RASAL2: variants seen among roughly 807,000 people sequenced by gnomAD.
The protein encoded by RASAL2 is ras GTPase-activating protein nGAP.
Under a neutral mutation model 128.9 loss-of-function variants are expected in RASAL2, and 58 were observed. The ratio of observed to expected loss-of-function variants is 0.45; its 90% confidence interval spans 0.36 to 0.56. The LOEUF (loss-of-function observed/expected upper bound fraction) is 0.56, where lower values mean the gene tolerates loss of function less well. Ranked by LOEUF, RASAL2 falls within the 20% of genes least tolerant of loss-of-function variation. The pLI is 0.00. For missense variants in RASAL2, 1,360 were observed against 1,601.6 expected, an observed-to-expected ratio of 0.85 and a Z score of 2.57; for synonymous variants, 561 against 580.8, an observed-to-expected ratio of 0.97 and a Z score of 0.49.
intron 1 of RASAL2, among the ~76,000 whole-genome samples, chr1:178,216,255 C>A (rs1179521924): frequency 2.0e-5 from 3 of 152,126 alleles, no homozygotes; most frequent in Non-Finnish European, 4.4e-5. Context: ...ATATGAAAAT[C>A]CACTGTTTGT....
intron 17 of RASAL2, chr1:178,470,557 A>G (rs1045894361): frequency 1.3e-5 from 7 of 542,034 alleles, no homozygotes; most frequent in Non-Finnish European, 1.9e-5. Context: ...ACCCCTGAGC[A>G]TGAGGAGACA....
At chr1:178,125,612 A>G (rs1659866532) in intron 1 of RASAL2, 1 of 152,176 alleles carries the variant, frequency 6.6e-6, no homozygotes, top group South Asian at 2.1e-4. Context: ...CTGATAATCG[A>G]TGTGATATTT....
chr1:178,436,776 C>T (rs1034042630), intron 5 of RASAL2, among the ~76,000 whole-genome samples: 21 of 151,954 alleles, frequency 1.4e-4, no homozygotes, highest in Admixed American at 5.2e-4. Flanking sequence ...TGGAGTTTTA[C>T]CATGTTGCCC....
chr1:178,426,920 TA>T (rs1354481098), intron 5 of RASAL2, among the ~76,000 whole-genome samples: 2 of 152,144 alleles, frequency 1.3e-5, no homozygotes, highest in Non-Finnish European at 2.9e-5. Flanking sequence ...GAATTTCAGG[TA>T]ACTTAGTTTG....
Position 178,171,720 on chromosome 1 carries a change from G to C in RASAL2, c.202+77026G>C, listed in dbSNP as rs563364880. ...GCCTAAGGGATGAGGTTGGAGGAGA[G>C]AGATTTAAGACTAAAGTGTTAGGAG... On this transcript the variant is annotated intron_variant, in intron 1 of 17. Coordinates refer to ENST00000367649, the MANE Select transcript of RASAL2 (RefSeq NM_170692.4). Among the ~76,000 whole-genome samples the C allele has an allele frequency of 2.0e-5, 3 of 151,982 alleles. No homozygotes were observed. The South Asian group carries it at 6.2e-4, about 32-fold the overall frequency.
chr1:178,381,190 C>A (rs1364755547), intron 3 of RASAL2, among the ~76,000 whole-genome samples: 1 of 152,088 alleles, frequency 6.6e-6, no homozygotes, highest in Non-Finnish European at 1.5e-5. Flanking sequence ...CTAAAGATCT[C>A]TAGGAAGGAA....
chr1:178,397,701 C>G (rs12082511), intron 4 of RASAL2, among the ~76,000 whole-genome samples: 7,199 of 151,908 alleles, frequency 0.047, 571 homozygotes, highest in African/African-American at 0.16. Context: ...CCTCAACAAC[C>G]CAGGCTCAAA....
chr1:178,214,683 C>G (rs1306217220), intron 1 of RASAL2, among the ~76,000 whole-genome samples: 1 of 152,014 alleles, frequency 6.6e-6, no homozygotes, highest in Non-Finnish European at 1.5e-5. Flanking sequence ...CTCAGCCTCC[C>G]AAGTAGCTGG....
intron 1 of RASAL2, among the ~76,000 whole-genome samples, chr1:178,259,694 T>C (rs1665566489): frequency 6.6e-6 from 1 of 152,188 alleles, no homozygotes; most frequent in African/African-American, 2.4e-5. Flanking sequence ...CCCCAGTAGC[T>C]GGGACTACAG....
chr1:178,299,218 A>G (rs1367965503), intron 2 of RASAL2, among the ~76,000 whole-genome samples: 1 of 152,268 alleles, frequency 6.6e-6, no homozygotes, highest in Admixed American at 6.5e-5. Flanking sequence ...TAAGTGCTCA[A>G]CTCTAAAATT....
At chr1:178,141,695 G>A (rs146454752) in intron 1 of RASAL2, among the ~76,000 whole-genome samples, 1 of 152,286 alleles carries the variant, frequency 6.6e-6, no homozygotes, top group African/African-American at 2.4e-5. Context: ...TAACATCGGA[G>A]CATGGGCTAG....
intron 3 of RASAL2, among the ~76,000 whole-genome samples, chr1:178,360,191 A>C (rs955982382): frequency 6.6e-6 from 1 of 152,168 alleles, no homozygotes; most frequent in African/African-American, 2.4e-5. Context: ...AGTAGGAGAT[A>C]GCCAGCCAGT....
At chr1:178,422,460 C>T (rs1402534128) in intron 5 of RASAL2, among the ~76,000 whole-genome samples, 22 of 151,994 alleles carry the variant, frequency 1.4e-4, no homozygotes, top group Admixed American at 1.4e-3. Context: ...TTTATCAACT[C>T]CATTTGAATT....
chr1:178,149,943 A>G (rs1558081971), intron 1 of RASAL2, among the ~76,000 whole-genome samples: 1 of 152,148 alleles, frequency 6.6e-6, no homozygotes, highest in African/African-American at 2.4e-5. Flanking sequence ...CCCCCAGTAT[A>G]TAAATTTTGT....
At chr1:178,238,842 T>A (rs1234924284) in intron 1 of RASAL2, among the ~76,000 whole-genome samples, 1 of 152,056 alleles carries the variant, frequency 6.6e-6, no homozygotes, top group Non-Finnish European at 1.5e-5. Context: ...CTGGAATGAT[T>A]TATCTGCCTC....
In RASAL2 at chr1:178,335,778, T is replaced by C. The variant is rs1409513367; in HGVS notation, c.457+35660T>C. ...ATTCAGTACATCGTTCCAATAAATA[T>C]ATACATTGTTGCATCTGGATTAATA... On this transcript the variant is annotated intron_variant, in intron 3 of 17. Transcript: ENST00000367649. 5.3e-5 allele frequency among the ~76,000 whole-genome samples: 8 copies of C among 152,314 alleles called. No homozygotes were observed. In the South Asian group the frequency reaches 1.7e-3, roughly 32 times the overall value.
At chr1:178,264,069 T>G (rs1665826884) in intron 1 of RASAL2, among the ~76,000 whole-genome samples, 1 of 152,216 alleles carries the variant, frequency 6.6e-6, no homozygotes, top group African/African-American at 2.4e-5. Context: ...AACCTAATAT[T>G]TCAAGTGCTG....
At chr1:178,344,737 A>G (rs1438477307) in intron 3 of RASAL2, among the ~76,000 whole-genome samples, 1 of 152,206 alleles carries the variant, frequency 6.6e-6, no homozygotes, top group Non-Finnish European at 1.5e-5. Context: ...GGATTCTTAT[A>G]TTTGAGTTGC....
intron 2 of RASAL2, among the ~76,000 whole-genome samples, chr1:178,292,750 C>T (rs941064714): frequency 6.6e-6 from 1 of 152,082 alleles, no homozygotes; most frequent in African/African-American, 2.4e-5. Context: ...ACATGAACCC[C>T]TCAGAGGTAC....
Sources: allele counts gnomAD v4.1 joint callset (sites outside exome capture counted in the v4.1 genomes callset), GRCh38; gene constraint gnomAD v4.1.1; transcripts MANE v1.5; gene names NCBI Gene and HGNC (gene_info 2026-07-23, HGNC 2026-07-21).